The following GLI2 variants were observed in gnomAD, a reference collection of about 807,000 sequenced individuals.
GLI2 encodes the protein transcription activator GLI2.
GLI2 carries 22 observed loss-of-function variants against 78.9 expected under a neutral mutation model. That is an observed-to-expected ratio of 0.28 (90% CI 0.20 to 0.40). The LOEUF is 0.40. Among genes scored for constraint, GLI2 ranks in the 10% least tolerant of loss-of-function variants. GLI2 has a pLI of 1.00. For synonymous variants in GLI2, 974 were observed against 963.7 expected, an observed-to-expected ratio of 1.01 and a Z score of -0.20; for missense variants, 2,097 against 2,213.2, an observed-to-expected ratio of 0.95 and a Z score of 1.05.
chr2:120,848,213 C>T (rs1288343798), intron 2 of GLI2, among the ~76,000 whole-genome samples: 1 of 152,212 alleles, frequency 6.6e-6, no homozygotes, highest in Non-Finnish European at 1.5e-5. Context: ...GACTCCGCCG[C>T]CTGGTTGCAA....
At chr2:120,742,678 T>TAAAAAAAAAAA (rs1359197508) in intron 1 of GLI2, among the ~76,000 whole-genome samples, 1 of 28,414 alleles carries the variant, frequency 3.5e-5, no homozygotes, top group Non-Finnish European at 6.5e-5. Context: ...TAGGATGACT[T>TAAAAAAAAAAA]TAAAAAAAAA....
intron 3 of GLI2, among the ~76,000 whole-genome samples, chr2:120,931,560 A>G (rs1265824908): frequency 1.3e-5 from 2 of 152,230 alleles, no homozygotes; most frequent in Non-Finnish European, 2.9e-5. Context: ...ACTGAGCCCC[A>G]GTGTGGAGTC....
chr2:120,855,499 T>C (rs1416208783), intron 2 of GLI2, among the ~76,000 whole-genome samples: 2 of 152,176 alleles, frequency 1.3e-5, no homozygotes, highest in African/African-American at 4.8e-5. Flanking sequence ...ACAGAATGGG[T>C]GAAGGTGCAG....
chr2:120,743,958 GC>G (rs1682625657), intron 1 of GLI2, among the ~76,000 whole-genome samples: 4 of 152,334 alleles, frequency 2.6e-5, no homozygotes, highest in African/African-American at 9.6e-5. Context: ...GCCTCTCCTT[GC>G]TGGCCACTCT....
In GLI2 at chr2:120,787,342, A is replaced by G. The variant is rs115744012; in HGVS notation, c.-30-9949A>G. On this transcript the variant is annotated intron_variant, in intron 1 of 13. Transcript: ENST00000361492. Reference sequence around the variant, plus strand: ...TGTCCTGTGCGCACTCACTGCCTTCATGGTCCTTCGTCCCCTCTCAGAGTC... The same window carrying G: ...TGTCCTGTGCGCACTCACTGCCTTCGTGGTCCTTCGTCCCCTCTCAGAGTC... Among the ~76,000 whole-genome samples the G allele has an allele frequency of 5.9e-3, 900 of 152,312 alleles. 9 individuals carry two copies. Among genetic ancestry groups the G allele is most frequent in the African/African-American group, 0.021 (872 of 41,574 alleles).
rs142099710 is a variant in GLI2, at chr2:120,772,012, A to G, written c.-30-25279A>G. On this transcript the variant is annotated intron_variant, in intron 1 of 13. Coordinates refer to ENST00000361492, the MANE Select transcript of GLI2 (RefSeq NM_001374353.1). ...GACCCCTGTCAAATGCTATGAGGTC[A>G]TGCTACTCCCTGACTTAAACTCCCA... Among the ~76,000 whole-genome samples the G allele has an allele frequency of 1.9e-3, 282 of 152,320 alleles. 2 individuals are homozygous for G. Among genetic ancestry groups the G allele is most frequent in the African/African-American group, 6.3e-3 (263 of 41,582 alleles).
intron 2 of GLI2, among the ~76,000 whole-genome samples, chr2:120,831,076 T>A (rs1326221526): frequency 2.0e-5 from 3 of 151,752 alleles, no homozygotes; most frequent in African/African-American, 7.3e-5. Flanking sequence ...TGTCTCTCTC[T>A]CTGTTTCTGT....
chr2:120,821,903 C>T (rs932922213), intron 2 of GLI2, among the ~76,000 whole-genome samples: 17 of 152,282 alleles, frequency 1.1e-4, no homozygotes, highest in African/African-American at 3.8e-4. Context: ...GGCTGCCACC[C>T]GAGGCCCCCA....
intron 1 of GLI2, among the ~76,000 whole-genome samples, chr2:120,750,061 G>C (rs990740121): frequency 2.9e-4 from 44 of 152,192 alleles, no homozygotes; most frequent in Non-Finnish European, 1.0e-4. Context: ...ACAGGGACAT[G>C]AGCCTCTGCC....
chr2:120,902,331 C>T (rs1421201252), intron 2 of GLI2, among the ~76,000 whole-genome samples: 1 of 152,062 alleles, frequency 6.6e-6, no homozygotes, highest in Non-Finnish European at 1.5e-5. Flanking sequence ...GCCTAGGGTC[C>T]AGTGAGAGAA....
chr2:120,838,261 T>C (rs1312631583), intron 2 of GLI2, among the ~76,000 whole-genome samples: 2 of 152,194 alleles, frequency 1.3e-5, no homozygotes, highest in South Asian at 2.1e-4. Flanking sequence ...ATATAAAATA[T>C]ACACACACAT....
At position 120,972,147 on chromosome 2, in the gene GLI2, C is replaced by T. The variant is rs547810209; in HGVS notation, c.1182+84C>T. 6.0e-4 allele frequency: 897 copies of T among 1,493,742 alleles called. 3 individuals carry two copies. Among genetic ancestry groups the T allele is most frequent in the Middle Eastern group, 2.7e-3 (12 of 4,438 alleles). 92.5% of individuals were successfully genotyped at this position (1,493,742 alleles called of 1,614,324 possible). A position where few individuals can be genotyped will look rare whatever the true frequency, so the allele number is the denominator to read the frequency against. On this transcript the variant is annotated intron_variant, in intron 8 of 13. Coordinates refer to ENST00000361492, the MANE Select transcript of GLI2 (RefSeq NM_001374353.1). ...TTGGGGCTGTACCCTTGGTGGTGAACGGATGGCTGGCTGGCTGCCTGCATG... is the reference window on the plus strand; with the variant it reads ...TTGGGGCTGTACCCTTGGTGGTGAATGGATGGCTGGCTGGCTGCCTGCATG...
intron 2 of GLI2, among the ~76,000 whole-genome samples, chr2:120,887,422 T>C (rs1392845084): frequency 6.6e-6 from 1 of 152,260 alleles, no homozygotes; most frequent in African/African-American, 2.4e-5. Flanking sequence ...GGGCTGCGTG[T>C]TGGATTTCCA....
At chr2:120,957,495 G>A (rs992292106) in intron 5 of GLI2, among the ~76,000 whole-genome samples, 1 of 152,228 alleles carries the variant, frequency 6.6e-6, no homozygotes, top group African/African-American at 2.4e-5. Context: ...AGCAGCAACC[G>A]AGTGCATGAA....
intron 2 of GLI2, among the ~76,000 whole-genome samples, chr2:120,852,069 G>A (rs1307197956): frequency 2.0e-5 from 3 of 152,216 alleles, no homozygotes; most frequent in Admixed American, 6.5e-5. Context: ...GGTGGGACAA[G>A]GAGCCTGACT....
chr2:120,852,884 G>A (rs963685106), intron 2 of GLI2, among the ~76,000 whole-genome samples: 3 of 152,220 alleles, frequency 2.0e-5, no homozygotes, highest in African/African-American at 7.2e-5. Context: ...TGTGTGAAGA[G>A]GGTCAGGTGC....
intron 9 of GLI2, among the ~76,000 whole-genome samples, chr2:120,977,621 C>T (rs1173179023): frequency 6.6e-6 from 1 of 152,218 alleles, no homozygotes; most frequent in Non-Finnish European, 1.5e-5. Context: ...CCTCTAAGAC[C>T]TGAGTGTCCT....
At chr2:120,932,197 T>C (rs1679976092) in intron 3 of GLI2, among the ~76,000 whole-genome samples, 1 of 152,178 alleles carries the variant, frequency 6.6e-6, no homozygotes, top group Admixed American at 6.5e-5. Flanking sequence ...GCACCAAATG[T>C]GTCTAATTAC....
chr2:120,842,378 C>G (rs1038889352), intron 2 of GLI2, among the ~76,000 whole-genome samples: 1 of 152,018 alleles, frequency 6.6e-6, no homozygotes, highest in African/African-American at 2.4e-5. Context: ...GACAATGTAT[C>G]TTGGAAATTG....
Sources: gnomAD v4.1 joint callset for allele counts (sites outside exome capture counted in the v4.1 genomes callset) on GRCh38, gnomAD v4.1.1 for gene constraint, MANE v1.5 for transcripts, NCBI Gene and HGNC (gene_info 2026-07-23, HGNC 2026-07-21) for gene names.